SPDL1: variants seen among roughly 807,000 people sequenced by gnomAD.
SPDL1 encodes the protein spindle apparatus coiled-coil protein 1.
Under a neutral mutation model 79.5 loss-of-function variants are expected in SPDL1, and 85 were observed. The observed-to-expected ratio is 1.07, with a 90% CI of 0.90 to 1.28. The LOEUF (loss-of-function observed/expected upper bound fraction) is 1.28, where lower values mean the gene tolerates loss of function less well. Ranked by LOEUF, SPDL1 falls within the 50% of genes most tolerant of loss-of-function variation. The pLI, the probability that SPDL1 is intolerant of heterozygous loss-of-function variation, is 0.00. For missense variants in SPDL1, 703 were observed against 697.8 expected (o/e 1.01, Z -0.08); for synonymous variants, 269 against 240.3 (o/e 1.12, Z -1.10).
intron 1 of SPDL1, among the ~76,000 whole-genome samples, chr5:169,584,896 G>C (rs974228840): frequency 6.6e-6 from 1 of 152,182 alleles, no homozygotes; most frequent in Non-Finnish European, 1.5e-5. Context: ...TGTAATCCCA[G>C]CTACTCGGGA....
intron 11 of SPDL1, among the ~76,000 whole-genome samples, chr5:169,602,622 T>G (rs1484557019): frequency 6.6e-6 from 1 of 152,176 alleles, no homozygotes; most frequent in African/African-American, 2.4e-5. Flanking sequence ...TTATCTGATT[T>G]CTCTCCAAGT....
rs978008444 is a variant in SPDL1 at position 169,604,511 on chromosome 5, A to C, written c.*304A>C. On this transcript the variant is annotated 3_prime_UTR_variant, in exon 12 of 12. Transcript: ENST00000265295. ...TGGATTAAATGATAAAAAACAAGTA[A>C]TCTACCCTCAGAGCCATGTATTTGA... 1.7e-5 allele frequency: 3 copies of C among 172,152 alleles called. No homozygotes were observed. The highest frequency in any genetic ancestry group is 1.3e-4 in the Admixed American group (2 of 15,874). The allele number at this position is 172,152 out of a possible 1,614,324, so 10.7% of individuals were successfully genotyped here.
Position 169,601,563 on chromosome 5 carries a change from A to T in SPDL1, c.1608A>T (p.Ile536=). The T allele has an allele frequency of 6.2e-7, 1 of 1,614,242 alleles. No individual in the cohort carries two copies. Among genetic ancestry groups the T allele is most frequent in the Non-Finnish European group, 8.5e-7 (1 of 1,180,042 alleles). Residue 536 remains isoleucine (I), a synonymous_variant, in exon 11 of 12, where the codon ATA becomes ATT. Coordinates refer to ENST00000265295, the MANE Select transcript of SPDL1 (RefSeq NM_017785.5). ...AGGAAAAGAAATGTGTGAAACTCAT[A>T]GGAGTTCCCGCTGACGCTGAGGCCT... is the stretch of plus-strand genomic sequence containing the variant. ...LKKEKKCVKL[I]GVPADAEALS...
rs1321975746 is a variant in SPDL1 at position 169,588,488 on chromosome 5, A to G, written c.72A>G (p.Ala24=). Residue 24 remains alanine, a synonymous_variant, in exon 2 of 12, where the codon GCA becomes GCG. Coordinates refer to ENST00000265295, the MANE Select transcript of SPDL1 (RefSeq NM_017785.5). ...CTGAAGAAGAGCGACTAAAAGCTGC[A>G]CAGTATGGTTTACAACTAGTAGAGA... ...KEAEEERLKA[A]QYGLQLVESQ... is the part of the protein sequence containing the mutation. 1 of 1,613,926 alleles carries G rather than the reference A, an allele frequency of 6.2e-7. No homozygotes were observed. Among genetic ancestry groups the G allele is most frequent in the Non-Finnish European group, 8.5e-7 (1 of 1,179,936 alleles).
chr5:169,601,181 A>G, intron 10 of SPDL1, 99 bp from the exon 11 acceptor site: 1 of 1,034,146 alleles, frequency 9.7e-7, no homozygotes, highest in Non-Finnish European at 1.4e-6. Flanking sequence ...TTTTAAAAGA[A>G]TGGAAAAAGG....
At chr5:169,602,319 G>A (rs1437952898) in intron 11 of SPDL1, among the ~76,000 whole-genome samples, 2 of 152,168 alleles carry the variant, frequency 1.3e-5, no homozygotes, top group Non-Finnish European at 2.9e-5. Context: ...GCTGAGGCTC[G>A]AGTTCTGGAT....
chr5:169,585,605 A>G (rs777053028), intron 1 of SPDL1, among the ~76,000 whole-genome samples: 2 of 152,240 alleles, frequency 1.3e-5, no homozygotes, highest in Non-Finnish European at 2.9e-5. Context: ...GTAAATCCTC[A>G]ACGAATGTAA....
chr5:169,594,786 T>C (rs747872892), intron 7 of SPDL1, 105 bp downstream of exon 7: 41 of 678,830 alleles, frequency 6.0e-5, no homozygotes, highest in East Asian at 1.1e-4. Flanking sequence ...AGTGTACTTA[T>C]ATAGTTGTTT....
intron 10 of SPDL1, 116 bp downstream of exon 10, chr5:169,599,275 T>A: frequency 1.1e-6 from 1 of 874,660 alleles, no homozygotes; most frequent in African/African-American, 1.7e-5. Flanking sequence ...TGTAGTTATA[T>A]ACCTATAGTT....
Position 169,596,565 on chromosome 5 carries a change from A to G in SPDL1, c.896A>G (p.Gln299Arg), listed in dbSNP as rs767936181. Residue 299 changes from glutamine to arginine, a missense_variant, in exon 8 of 12, where the codon CAA becomes CGA. Physicochemically the swap from Gln to Arg is conservative, Grantham distance 43. Transcript: ENST00000265295. ...NREQMQRMKL[Q>R]IATLLQMKGS... ...GGGGTAATTTTATTTTTCTAGTTACAAATTGCCACGTTGCTACAGATGAAA... is the reference window on the plus strand; with the variant it reads ...GGGGTAATTTTATTTTTCTAGTTACGAATTGCCACGTTGCTACAGATGAAA... The G allele has an allele frequency of 6.2e-7, 1 of 1,608,826 alleles. No homozygotes were observed. Among genetic ancestry groups the G allele is most frequent in the Admixed American group, 1.7e-5 (1 of 58,742 alleles).
intron 1 of SPDL1, among the ~76,000 whole-genome samples, chr5:169,585,056 A>C (rs569063417): frequency 1.3e-5 from 2 of 152,328 alleles, no homozygotes; most frequent in Non-Finnish European, 2.9e-5. Flanking sequence ...ACCAAGCACA[A>C]TGTCTGTCAC....
intron 3 of SPDL1, 47 bp downstream of exon 3, chr5:169,591,271 A>G: frequency 6.4e-7 from 1 of 1,573,420 alleles, no homozygotes; most frequent in Non-Finnish European, 8.7e-7. Flanking sequence ...ATATTTATGC[A>G]GCCATCTGTA....
At chr5:169,584,379 A>G (rs558180225) in intron 1 of SPDL1, among the ~76,000 whole-genome samples, 1 of 152,314 alleles carries the variant, frequency 6.6e-6, no homozygotes, top group East Asian at 1.9e-4. Context: ...AACATTTAAA[A>G]TCACGTACAT....
At chr5:169,601,927 G>A (rs1236464833) in intron 11 of SPDL1, 8 of 388,732 alleles carry the variant, frequency 2.1e-5, no homozygotes, top group Non-Finnish European at 3.8e-5. Flanking sequence ...TACATGTACT[G>A]TTATTTTTCT....
In SPDL1 at chr5:169,588,509, A is replaced by G. The variant is rs1755103352; in HGVS notation, c.93A>G (p.Val31=). ...CTGCACAGTATGGTTTACAACTAGT[A>G]GAGAGTCAAAATGAATTACAGAATC... ...LKAAQYGLQL[V]ESQNELQNQL... Residue 31 remains valine (V), a synonymous_variant, in exon 2 of 12, where the codon GTA becomes GTG. Transcript: ENST00000265295. 1.2e-6 allele frequency: 2 copies of G among 1,613,976 alleles called. No individual in the cohort carries two copies.
rs368772959 is a variant in SPDL1 at position 169,599,006 on chromosome 5, A to G, written c.1171A>G (p.Ile391Val). 2.3e-5 allele frequency: 36 copies of G among 1,572,048 alleles called. No individual in the cohort carries two copies. The highest frequency in any genetic ancestry group is 2.9e-5 in the Non-Finnish European group (34 of 1,155,682). Residue 391 changes from isoleucine to valine, a missense_variant, in exon 10 of 12, where the codon ATA (isoleucine) becomes GTA (valine). Physicochemically the swap from Ile to Val is conservative, Grantham distance 29. Transcript: ENST00000265295. ...TGAAAGCACTAAAGGTGAATTGTCCATACAGCGAATGAAAGCATTATTTGA... is the reference window on the plus strand; with the variant it reads ...TGAAAGCACTAAAGGTGAATTGTCCGTACAGCGAATGAAAGCATTATTTGA... ...EIESTKGELS[I>V]QRMKALFESQ...
chr5:169,600,020 A>G (rs978405039), intron 10 of SPDL1, among the ~76,000 whole-genome samples: 5 of 152,198 alleles, frequency 3.3e-5, no homozygotes, highest in Admixed American at 2.0e-4. Context: ...TGCATCTTAT[A>G]TACTACAGAG....
At chr5:169,594,761 G>C in intron 7 of SPDL1, 80 bp downstream of exon 7, 3 of 861,908 alleles carry the variant, frequency 3.5e-6, no homozygotes, top group Non-Finnish European at 5.5e-6. Flanking sequence ...AAAGAAACTA[G>C]CTTTTTCTGC....
intron 2 of SPDL1, 90 bp downstream of exon 2, chr5:169,588,665 C>G: frequency 8.1e-7 from 1 of 1,233,394 alleles, no homozygotes; most frequent in Non-Finnish European, 1.1e-6. Flanking sequence ...GTAGTTTATT[C>G]TTTTCTGAAG....
Sources: allele counts gnomAD v4.1 joint callset (sites outside exome capture counted in the v4.1 genomes callset), GRCh38; gene constraint gnomAD v4.1.1; transcripts MANE v1.5; gene names NCBI Gene and HGNC (gene_info 2026-07-23, HGNC 2026-07-21).